METTL24: variants seen among roughly 807,000 people sequenced by gnomAD.
METTL24 encodes the protein methyltransferase like 24.
A neutral mutation model predicts 32.7 loss-of-function variants in METTL24; 29 were observed. That is an observed-to-expected ratio of 0.89 (90% CI 0.66 to 1.21). METTL24 has a LOEUF of 1.21. Among genes scored for constraint, METTL24 ranks in the 50% most tolerant of loss-of-function variants. METTL24 has a pLI of 0.00. For missense variants in METTL24, 439 were observed against 468.1 expected, an observed-to-expected ratio of 0.94 and a Z score of 0.57; for synonymous variants, 163 against 179.5, an observed-to-expected ratio of 0.91 and a Z score of 0.73.
At chr6:110,326,365 C>T (rs1019280120) in intron 1 of METTL24, among the ~76,000 whole-genome samples, 7 of 152,190 alleles carry the variant, frequency 4.6e-5, no homozygotes, top group Non-Finnish European at 7.3e-5. Context: ...GATCATTTTC[C>T]CTGCATCTCT....
chr6:110,302,552 T>G, intron 3 of METTL24, among the ~76,000 whole-genome samples: 1 of 109,814 alleles, frequency 9.1e-6, no homozygotes, highest in Non-Finnish European at 1.7e-5. Context: ...CACACACATA[T>G]GTGTATATAT....
At chr6:110,295,005 C>CTTTTTT (rs1562228256) in intron 4 of METTL24, among the ~76,000 whole-genome samples, 32 of 96,830 alleles carry the variant, frequency 3.3e-4, no homozygotes, top group African/African-American at 1.2e-3. Flanking sequence ...TTCTTTTTTT[C>CTTTTTT]TTTCTTTCTT....
chr6:110,315,328 A>C lies in METTL24; in HGVS notation c.557+14T>G. 6.2e-7 allele frequency: 1 copy of C among 1,613,648 alleles called. No homozygotes were observed. Among genetic ancestry groups the C allele is most frequent in the East Asian group, 2.2e-5 (1 of 44,872 alleles). ...GTGTTTGTGTTTTCTTCTGCTGTAAAAAAATGTACTCACCCTAAGGAGTAG... is the reference window on the plus strand; with the variant it reads ...GTGTTTGTGTTTTCTTCTGCTGTAACAAAATGTACTCACCCTAAGGAGTAG... On this transcript the variant is annotated intron_variant, in intron 3 of 4. Transcript: ENST00000338882.
chr6:110,298,809 A>G (rs1181366338), intron 4 of METTL24, 113 bp downstream of exon 4: 1 of 849,802 alleles, frequency 1.2e-6, no homozygotes, highest in Non-Finnish European at 1.8e-6. Context: ...TAGTAAGATT[A>G]AAATCGGACC....
chr6:110,330,354 G>T (rs1430472200), intron 1 of METTL24, among the ~76,000 whole-genome samples: 1 of 152,142 alleles, frequency 6.6e-6, no homozygotes, highest in Non-Finnish European at 1.5e-5. Context: ...CTTGGCCTTG[G>T]ACTCAGGCAC....
chr6:110,246,206 G>A lies in METTL24; in HGVS notation c.841C>T (p.Leu281Phe), dbSNP rs2334321. 113,601 of 1,613,942 alleles carry A rather than the reference G, an allele frequency of 0.07. 4,609 individuals are homozygous for A. The highest frequency in any genetic ancestry group is 0.083 in the Non-Finnish European group (98,154 of 1,179,922). ...TGCTCAAGAACATCTTCCAGAATAA[G>A]ATTTTCCAAAACTTTCCATTCTGCA... ...ESAEWKVLENLILEDVLEQIG... is the reference protein window; with the variant it reads ...ESAEWKVLENFILEDVLEQIG... Residue 281 changes from leucine (L) to phenylalanine (F), a missense_variant, in exon 5 of 5, where the codon CTT (leucine) becomes TTT (phenylalanine). Physicochemically the swap from Leu to Phe is conservative, Grantham distance 22 (BLOSUM62 0). Transcript: ENST00000338882.
intron 3 of METTL24, 100 bp from the exon 4 acceptor site, chr6:110,299,250 T>C: frequency 1.0e-6 from 1 of 1,002,962 alleles, no homozygotes; most frequent in East Asian, 2.4e-5. Flanking sequence ...CTTAGTTATA[T>C]CAAGCCTTCT....
chr6:110,255,226 A>T (rs1301530184), intron 4 of METTL24, among the ~76,000 whole-genome samples: 1 of 152,346 alleles, frequency 6.6e-6, no homozygotes, highest in Admixed American at 6.5e-5. Flanking sequence ...ACAACACTCT[A>T]CAAATGAATT....
At chr6:110,316,382 TA>T (rs1412390043) in intron 2 of METTL24, among the ~76,000 whole-genome samples, 1 of 152,118 alleles carries the variant, frequency 6.6e-6, no homozygotes, top group Non-Finnish European at 1.5e-5. Flanking sequence ...CCAAAGAAAA[TA>T]AGGAAAATAA....
In METTL24 at chr6:110,315,261, T is replaced by C. The variant is rs1377084396; in HGVS notation, c.557+81A>G. ...GCACCTGTTACAAACTGCAACCATT[T>C]CTAACTTTGTATTGCTGAAAAGGTC... On this transcript the variant is annotated intron_variant, in intron 3 of 4. Transcript: ENST00000338882. The C allele has an allele frequency of 3.9e-6, 6 of 1,529,832 alleles. No homozygotes were observed. In the African/African-American group the frequency reaches 8.2e-5, roughly 21 times the overall value. 94.8% of individuals were successfully genotyped at this position (1,529,832 alleles called of 1,614,324 possible). A position where few individuals can be genotyped will look rare whatever the true frequency, so the allele number is the denominator to read the frequency against.
chr6:110,252,941 A>G (rs1220125330), intron 4 of METTL24, among the ~76,000 whole-genome samples: 1 of 152,142 alleles, frequency 6.6e-6, no homozygotes, highest in Non-Finnish European at 1.5e-5. Flanking sequence ...GAGACCCCTC[A>G]TTTTTATTTT....
chr6:110,249,387 C>T (rs893176302), intron 4 of METTL24, among the ~76,000 whole-genome samples: 1 of 151,830 alleles, frequency 6.6e-6, no homozygotes, highest in Admixed American at 6.6e-5. Context: ...CTGAAAATCC[C>T]CCACTTCAAT....
At chr6:110,253,922 G>A (rs771740699) in intron 4 of METTL24, 1 of 1,469,394 alleles carries the variant, frequency 6.8e-7, no homozygotes, top group South Asian at 1.4e-5. Flanking sequence ...GGAGGTGACT[G>A]CAGGTCCCCA....
chr6:110,282,875 T>C (rs986405985), intron 4 of METTL24, among the ~76,000 whole-genome samples: 6 of 152,156 alleles, frequency 3.9e-5, no homozygotes, highest in African/African-American at 1.4e-4. Context: ...AAATGAAAAA[T>C]TGGACAGAAT....
intron 1 of METTL24, among the ~76,000 whole-genome samples, chr6:110,346,343 ATGAC>A (rs984247479): frequency 6.6e-6 from 1 of 152,182 alleles, no homozygotes; most frequent in Non-Finnish European, 1.5e-5. Context: ...TTCATAGGGA[ATGAC>A]TGCAAACAAA....
chr6:110,331,817 T>G (rs532945555), intron 1 of METTL24, among the ~76,000 whole-genome samples: 3 of 152,282 alleles, frequency 2.0e-5, no homozygotes, highest in South Asian at 4.1e-4. Context: ...GTGCTGGATA[T>G]TAAAGACAAC....
intron 4 of METTL24, among the ~76,000 whole-genome samples, chr6:110,298,560 T>C (rs1771462438): frequency 1.3e-5 from 2 of 152,182 alleles, no homozygotes; most frequent in African/African-American, 4.8e-5. Flanking sequence ...GATTTTTTTT[T>C]TTGTATTTGA....
At chr6:110,281,931 G>A (rs926204733) in intron 4 of METTL24, among the ~76,000 whole-genome samples, 2 of 152,228 alleles carry the variant, frequency 1.3e-5, no homozygotes, top group Middle Eastern at 3.4e-3. Context: ...TCAAAGATGT[G>A]AATACTCACC....
intron 4 of METTL24, among the ~76,000 whole-genome samples, chr6:110,288,653 G>C (rs192157207): frequency 2.7e-4 from 41 of 152,208 alleles, no homozygotes; most frequent in Admixed American, 2.4e-3. Context: ...TTGAGAGGGA[G>C]AGAGAGAGAA....
Sources: gnomAD v4.1 joint callset for allele counts (sites outside exome capture counted in the v4.1 genomes callset) on GRCh38, gnomAD v4.1.1 for gene constraint, MANE v1.5 for transcripts, NCBI Gene and HGNC (gene_info 2026-07-23, HGNC 2026-07-21) for gene names.